The following PDE4D variants were observed in gnomAD, a reference collection of about 807,000 sequenced individuals.
PDE4D encodes 3',5'-cyclic-AMP phosphodiesterase 4D.
In PDE4D, 24 loss-of-function variants were observed where a neutral mutation model predicts 87.4. The observed-to-expected ratio is 0.27, with a 90% CI of 0.20 to 0.39. The LOEUF is 0.39. Among genes scored for constraint, PDE4D ranks in the 10% least tolerant of loss-of-function variants. The pLI is 1.00. For synonymous variants in PDE4D, 384 were observed against 383.2 expected (o/e 1.00, Z -0.02); for missense variants, 714 against 1,041.0 (o/e 0.69, Z 4.32).
rs142338837 is a variant in PDE4D, at chr5:60,004,438, C to G, written c.43-15721G>C. Among the ~76,000 whole-genome samples the G allele has an allele frequency of 5.8e-3, 886 of 152,140 alleles. 10 individuals carry two copies. The highest frequency in any genetic ancestry group is 0.02 in the African/African-American group (834 of 41,528). ...CTCTATGTTATTTATAATACTAATA[C>G]TATGTAAACACTATGTAAATAATTA... On this transcript the variant is annotated intron_variant, in intron 2 of 16. Transcript: ENST00000502484.
At chr5:59,571,037 G>C (rs938198518) in intron 1 of PDE4D, among the ~76,000 whole-genome samples, 1 of 152,124 alleles carries the variant, frequency 6.6e-6, no homozygotes, top group Admixed American at 6.5e-5. Flanking sequence ...CAGTCTTCAT[G>C]TGCACCATAA....
intron 3 of PDE4D, among the ~76,000 whole-genome samples, chr5:59,907,579 C>T (rs1445218744): frequency 1.3e-5 from 2 of 152,050 alleles, no homozygotes; most frequent in African/African-American, 2.4e-5. Context: ...CACATGTACC[C>T]CTGAACCTAA....
chr5:59,588,184 A>G (rs966522237), intron 1 of PDE4D, among the ~76,000 whole-genome samples: 4 of 150,920 alleles, frequency 2.7e-5, no homozygotes, highest in African/African-American at 9.8e-5. Context: ...GTGTGTAGAT[A>G]TGAGGAATGC....
At chr5:60,478,978 C>G (rs907221837) in intron 1 of PDE4D, among the ~76,000 whole-genome samples, 2 of 152,076 alleles carry the variant, frequency 1.3e-5, no homozygotes, top group Non-Finnish European at 2.9e-5. Flanking sequence ...TTTGGTCCTC[C>G]TTTTGTGGCA....
chr5:59,504,850 C>T (rs1194571775), intron 1 of PDE4D, among the ~76,000 whole-genome samples: 1 of 151,538 alleles, frequency 6.6e-6, no homozygotes, highest in Non-Finnish European at 1.5e-5. Flanking sequence ...CCCAGAAAAA[C>T]CTCATAATTT....
At chr5:59,447,432 A>G (rs1798510914) in intron 1 of PDE4D, among the ~76,000 whole-genome samples, 1 of 152,212 alleles carries the variant, frequency 6.6e-6, no homozygotes, top group Non-Finnish European at 1.5e-5. Context: ...TTGTGCACCA[A>G]TCACACACTT....
chr5:60,433,350 G>A (rs976979401), intron 1 of PDE4D, among the ~76,000 whole-genome samples: 3 of 152,152 alleles, frequency 2.0e-5, no homozygotes, highest in Non-Finnish European at 4.4e-5. Flanking sequence ...TTAGGGAAAT[G>A]CAAATCAAAA....
intron 1 of PDE4D, among the ~76,000 whole-genome samples, chr5:59,324,356 C>T (rs1331646612): frequency 6.6e-6 from 1 of 152,154 alleles, no homozygotes; most frequent in Non-Finnish European, 1.5e-5. Context: ...CCCTTGCAGC[C>T]ACATACTTAC....
At chr5:59,974,189 G>A (rs149628335) in intron 3 of PDE4D, among the ~76,000 whole-genome samples, 1 of 152,162 alleles carries the variant, frequency 6.6e-6, no homozygotes, top group Non-Finnish European at 1.5e-5. Flanking sequence ...GCAGCATGAC[G>A]AACTGGAATA....
chr5:60,247,094 T>G (rs534709287), intron 1 of PDE4D, among the ~76,000 whole-genome samples: 65 of 152,016 alleles, frequency 4.3e-4, no homozygotes, highest in African/African-American at 1.5e-3. Context: ...GTTCTGATGA[T>G]TTTTTTTCAG....
chr5:59,008,823 A>G (rs1200713231), intron 6 of PDE4D, among the ~76,000 whole-genome samples: 2 of 152,136 alleles, frequency 1.3e-5, no homozygotes, highest in Non-Finnish European at 2.9e-5. Flanking sequence ...CAAAATGCAT[A>G]TCAAATAAAG....
intron 1 of PDE4D, among the ~76,000 whole-genome samples, chr5:60,451,189 G>A (rs1486528945): frequency 6.6e-6 from 1 of 152,052 alleles, no homozygotes; most frequent in South Asian, 2.1e-4. Context: ...CAAATGCGAT[G>A]AAAATTACAT....
At chr5:59,312,643 G>A (rs1040314072) in intron 1 of PDE4D, among the ~76,000 whole-genome samples, 1 of 152,116 alleles carries the variant, frequency 6.6e-6, no homozygotes, top group Non-Finnish European at 1.5e-5. Flanking sequence ...AGTCCTAAAG[G>A]ACAATTTACC....
intron 1 of PDE4D, among the ~76,000 whole-genome samples, chr5:60,205,604 G>A (rs1411641888): frequency 6.6e-6 from 1 of 152,076 alleles, no homozygotes; most frequent in Admixed American, 6.5e-5. Context: ...AAGGCAATAG[G>A]GTGGGGCATG....
chr5:59,912,127 T>G (rs547474124), intron 3 of PDE4D, among the ~76,000 whole-genome samples: 5 of 152,192 alleles, frequency 3.3e-5, no homozygotes, highest in Non-Finnish European at 7.3e-5. Flanking sequence ...ATCAAAGGAC[T>G]GTGGTAAGGA....
chr5:60,162,882 T>C (rs1472496353), intron 2 of PDE4D, among the ~76,000 whole-genome samples: 1 of 152,146 alleles, frequency 6.6e-6, no homozygotes, highest in Non-Finnish European at 1.5e-5. Context: ...TTTGTAGAAC[T>C]CCTTAAATTA....
chr5:59,315,560 G>A (rs1033525555), intron 1 of PDE4D, among the ~76,000 whole-genome samples: 10 of 152,098 alleles, frequency 6.6e-5, no homozygotes, highest in Admixed American at 5.9e-4. Context: ...GACTGTCATT[G>A]TGACTGTCAG....
At chr5:60,065,586 G>A (rs374578788) in intron 2 of PDE4D, among the ~76,000 whole-genome samples, 201 of 151,370 alleles carry the variant, frequency 1.3e-3, no homozygotes, top group Non-Finnish European at 2.0e-3. Flanking sequence ...ATCCCTCCCC[G>A]CTCCCCCGAC....
At chr5:60,510,248 G>A (rs991035529) in intron 1 of PDE4D, among the ~76,000 whole-genome samples, 1 of 152,162 alleles carries the variant, frequency 6.6e-6, no homozygotes, top group Non-Finnish European at 1.5e-5. Context: ...ATCAGAGAAA[G>A]AGAACACAGA....
Sources: allele counts gnomAD v4.1 joint callset (sites outside exome capture counted in the v4.1 genomes callset), GRCh38; gene constraint gnomAD v4.1.1; transcripts MANE v1.5; gene names NCBI Gene and HGNC (gene_info 2026-07-23, HGNC 2026-07-21).